Variants in SH2B2 observed in about 807,000 individuals in gnomAD.
The protein encoded by SH2B2 is SH2B adaptor protein 2.
SH2B2 carries 37 observed loss-of-function variants against 35.7 expected under a neutral mutation model. The ratio of observed to expected loss-of-function variants is 1.04; its 90% confidence interval spans 0.80 to 1.36. SH2B2 has a LOEUF of 1.36. Ranked by LOEUF, SH2B2 falls within the 40% of genes most tolerant of loss-of-function variation. The probability of loss-of-function intolerance (pLI) is 0.00; values close to 1 mark genes in which losing one functional copy is unlikely to be tolerated. For missense variants in SH2B2, 852 were observed against 817.7 expected, an observed-to-expected ratio of 1.04 and a Z score of -0.51; for synonymous variants, 383 against 376.4, an observed-to-expected ratio of 1.02 and a Z score of -0.20.
At chr7:102,296,050 C>A (rs1332285738) in intron 1 of SH2B2, among the ~76,000 whole-genome samples, 3 of 152,178 alleles carry the variant, frequency 2.0e-5, no homozygotes, top group Non-Finnish European at 4.4e-5. Context: ...CCCCCAGTAC[C>A]AAGGCAGGAG....
At position 102,320,444 on chromosome 7, in the gene SH2B2, AG is replaced by A; in HGVS notation, c.1514del (p.Gly505AlafsTer143). The A allele has an allele frequency of 3.1e-6, 5 of 1,613,722 alleles. No homozygotes were observed. Among genetic ancestry groups the A allele is most frequent in the Non-Finnish European group, 3.4e-6 (4 of 1,179,840 alleles). ...ACACACACCCCATCCCACTGGAGTCAGGGGGCTCGGCCGACATCACCCTTCG... is the reference window on the plus strand; with the variant it reads ...ACACACACCCCATCCCACTGGAGTCAGGGGCTCGGCCGACATCACCCTTCG... The part of the protein sequence containing the change: ...FHTHPIPLES[G>X]GSADITLRSY... On this transcript the variant is annotated frameshift_variant, in exon 8 of 9. Transcript: ENST00000444095. LOFTEE classifies it high-confidence loss of function.
chr7:102,289,538 G>T (rs1408509607), intron 1 of SH2B2, among the ~76,000 whole-genome samples: 3 of 152,138 alleles, frequency 2.0e-5, no homozygotes, highest in African/African-American at 7.2e-5. Flanking sequence ...GGTACCTGGA[G>T]ATCAGCCAGG....
chr7:102,306,148 G>T (rs1291517276), intron 2 of SH2B2, among the ~76,000 whole-genome samples: 2 of 151,920 alleles, frequency 1.3e-5, no homozygotes, highest in Non-Finnish European at 2.9e-5. Flanking sequence ...GTGCAATGGC[G>T]CAATCTCAGC....
intron 1 of SH2B2, among the ~76,000 whole-genome samples, chr7:102,292,081 A>T (rs1256366895): frequency 1.3e-5 from 2 of 152,140 alleles, no homozygotes; most frequent in African/African-American, 4.8e-5. Context: ...GGCAGTGGAC[A>T]TGAGAAGGCA....
intron 1 of SH2B2, among the ~76,000 whole-genome samples, chr7:102,292,726 C>G (rs1245290325): frequency 6.6e-6 from 1 of 152,072 alleles, no homozygotes; most frequent in Non-Finnish European, 1.5e-5. Context: ...CCTCAGTTTC[C>G]CCATAGCGAA....
chr7:102,299,197 C>CTTTTTTTTTTTTTTTTTTTTTT (rs71123035), intron 1 of SH2B2, among the ~76,000 whole-genome samples: 349 of 24,610 alleles, frequency 0.014, 102 homozygotes, highest in Non-Finnish European at 0.017. Context: ...CCGCGCCTGG[C>CTTTTTTTTTTTTTTTTTTTTTT]TTTTTTTTTT....
intron 1 of SH2B2, among the ~76,000 whole-genome samples, chr7:102,295,234 C>T (rs1792855293): frequency 6.6e-6 from 1 of 152,232 alleles, no homozygotes; most frequent in Non-Finnish European, 1.5e-5. Flanking sequence ...GCATAATCAT[C>T]TCACTCAGGG....
At position 102,321,319 on chromosome 7, in the gene SH2B2, G is replaced by T; in HGVS notation, c.1588G>T (p.Ala530Ser). The T allele has an allele frequency of 2.8e-6, 4 of 1,426,218 alleles. No homozygotes were observed. The highest frequency in any genetic ancestry group is 3.7e-6 in the Non-Finnish European group (4 of 1,095,548). The allele number at this position is 1,426,218 out of a possible 1,614,324, so 88.3% of individuals were successfully genotyped here. A position where few individuals can be genotyped will look rare whatever the true frequency, so the allele number is the denominator to read the frequency against. Residue 530 changes from alanine to serine, a missense_variant, in exon 9 of 9, where the codon GCC becomes TCC. Around this residue, in one of 3 missense-constraint regions of SH2B2, gnomAD observed 556 missense variants for 514.5 expected, o/e 1.08. Coordinates refer to ENST00000444095, the MANE Select transcript of SH2B2 (RefSeq NM_001359228.2). ...TGCAGAGCCGGGCCCCACGCCCCCT[G>T]CCGCGCCCGCGTCCCCGGCCTGCTG... ...PPPEPGPTPPAAPASPACWSD... is the reference protein window; with the variant it reads ...PPPEPGPTPPSAPASPACWSD...
intron 4 of SH2B2, among the ~76,000 whole-genome samples, chr7:102,312,876 T>A (rs1793677725): frequency 6.6e-6 from 1 of 152,086 alleles, no homozygotes; most frequent in African/African-American, 2.4e-5. Context: ...ATGCCTGTAA[T>A]CCCAACACTT....
chr7:102,286,427 C>G (rs1554550851), upstream of SH2B2, among the ~76,000 whole-genome samples: 1 of 152,200 alleles, frequency 6.6e-6, no homozygotes, highest in African/African-American at 2.4e-5. Context: ...CAGCGAGGGG[C>G]GCTTCGAGGG....
chr7:102,299,196 G>GTTTTTTTTTTTTT (rs1793046884), intron 1 of SH2B2, among the ~76,000 whole-genome samples: 1 of 29,132 alleles, frequency 3.4e-5, no homozygotes, highest in African/African-American at 1.6e-4. Flanking sequence ...ACCGCGCCTG[G>GTTTTTTTTTTTTT]CTTTTTTTTT....
At chr7:102,316,464 G>A (rs1554557012) in intron 6 of SH2B2, among the ~76,000 whole-genome samples, 1 of 152,074 alleles carries the variant, frequency 6.6e-6, no homozygotes, top group African/African-American at 2.4e-5. Flanking sequence ...GTGCATGACT[G>A]TAATCCCAGA....
rs539473202 is a variant in SH2B2, at chr7:102,301,081, G to A, written c.531G>A (p.Arg177=). The change falls in exon 2 of 9, where the codon CGG becomes CGA. Residue 177 remains arginine (R), a synonymous_variant. Transcript: ENST00000444095. ...RTAEPRDKWT[R]RLRLSRTLAA... is the part of the protein sequence containing the mutation. Reference sequence around the variant, plus strand: ...CCGAGCCCCGCGACAAGTGGACGCGGCGCCTGAGGCTGTCGCGGACGCTGG... The same window carrying A: ...CCGAGCCCCGCGACAAGTGGACGCGACGCCTGAGGCTGTCGCGGACGCTGG... The A allele has an allele frequency of 1.4e-6, 2 of 1,404,856 alleles. No individual in the cohort carries two copies. The highest frequency in any genetic ancestry group is 1.6e-5 in the South Asian group (1 of 64,270). The allele number at this position is 1,404,856 out of a possible 1,614,324, so 87.0% of individuals were successfully genotyped here.
chr7:102,298,913 T>C (rs1476481492), intron 1 of SH2B2, among the ~76,000 whole-genome samples: 2 of 138,074 alleles, frequency 1.4e-5, no homozygotes, highest in Non-Finnish European at 3.1e-5. Context: ...TTCTTTCTTC[T>C]CTTTTTTTTT....
chr7:102,315,301 A>G (rs1297134595), intron 6 of SH2B2, among the ~76,000 whole-genome samples: 15 of 152,228 alleles, frequency 9.9e-5, no homozygotes, highest in African/African-American at 3.4e-4. Flanking sequence ...CAGGAGTTTG[A>G]GACTAGCCTG....
At chr7:102,289,766 T>G (rs1792603474) in intron 1 of SH2B2, among the ~76,000 whole-genome samples, 1 of 143,158 alleles carries the variant, frequency 7.0e-6, no homozygotes. Flanking sequence ...AGGGCCCATG[T>G]GAGAGTTATG....
At chr7:102,300,110 G>A (rs1334629977) in intron 1 of SH2B2, among the ~76,000 whole-genome samples, 1 of 152,192 alleles carries the variant, frequency 6.6e-6, no homozygotes, top group Non-Finnish European at 1.5e-5. Context: ...TGCAACCTCT[G>A]CCTCTTGGGC....
At chr7:102,301,375 G>A in intron 2 of SH2B2, 96 bp downstream of exon 2, 1 of 1,370,846 alleles carries the variant, frequency 7.3e-7, no homozygotes, top group Non-Finnish European at 9.7e-7. Context: ...GGGACCGCGT[G>A]GTCTAATCTG....
rs1794073298 is a variant in SH2B2, at chr7:102,321,404, C to A, written c.1673C>A (p.Ala558Asp). Reference protein sequence around the residue: ...SSLAAAACPPASPSDAAGASS... With the variant: ...SSLAAAACPPDSPSDAAGASS... Reference sequence around the variant, plus strand: ...CTCGCCGCGGCCGCCTGCCCGCCTGCCTCGCCCTCCGACGCCGCCGGCGCC... The same window carrying A: ...CTCGCCGCGGCCGCCTGCCCGCCTGACTCGCCCTCCGACGCCGCCGGCGCC... Residue 558 changes from alanine (A) to aspartate (D), a missense_variant, in exon 9 of 9, where the codon GCC becomes GAC. Physicochemically the swap from Ala to Asp is moderately radical, Grantham distance 126. Around this residue, in one of 3 missense-constraint regions of SH2B2, gnomAD observed 556 missense variants for 514.5 expected, o/e 1.08. Transcript: ENST00000444095. 2 of 1,362,714 alleles carry A rather than the reference C, an allele frequency of 1.5e-6. No individual in the cohort carries two copies. Among genetic ancestry groups the A allele is most frequent in the South Asian group, 1.6e-5 (1 of 62,518 alleles). 84.4% of individuals were successfully genotyped at this position (1,362,714 alleles called of 1,614,324 possible).
Sources: gnomAD v4.1 joint callset for allele counts (sites outside exome capture counted in the v4.1 genomes callset) on GRCh38, gnomAD v4.1.1 for gene constraint, gnomAD v4.1.1 regional missense constraint, MANE v1.5 for transcripts, NCBI Gene and HGNC (gene_info 2026-07-23, HGNC 2026-07-21) for gene names.